KIF3A: variants seen among roughly 807,000 people sequenced by gnomAD.
KIF3A encodes the protein kinesin-like protein KIF3A.
Under a neutral mutation model 92.6 loss-of-function variants are expected in KIF3A, and 27 were observed. The ratio of observed to expected loss-of-function variants is 0.29; its 90% CI spans 0.21 to 0.40. KIF3A has a LOEUF of 0.40. KIF3A is among the 10% of genes least tolerant of loss of function. The probability of loss-of-function intolerance (pLI) is 1.00; values close to 1 mark genes in which losing one functional copy is unlikely to be tolerated. For missense variants in KIF3A, 581 were observed against 872.6 expected (o/e 0.67, Z 4.21); for synonymous variants, 250 against 275.4 (o/e 0.91, Z 0.92).
Position 132,734,408 on chromosome 5 carries a change from T to C in KIF3A, c.77A>G (p.Glu26Gly), listed in dbSNP as rs1299818166. 1 of 1,614,030 alleles carries C rather than the reference T, an allele frequency of 6.2e-7. No homozygotes were observed. The highest frequency in any genetic ancestry group is 1.3e-5 in the African/African-American group (1 of 74,938). ...TTTGTAGCACATTGATTTCTCTCTC[T>C]CATTGAGGGGCCGGCACCTAACAAC... ...KVVVRCRPLN[E>G]REKSMCYKQA... Residue 26 changes from glutamate to glycine, a missense_variant, in exon 2 of 19, where the codon GAG (glutamate) becomes GGG (glycine). By Grantham distance (98) the Glu-to-Gly change is moderately conservative. Coordinates refer to ENST00000403231, the MANE Select transcript of KIF3A (RefSeq NM_001300791.2).
At chr5:132,715,724 A>G (rs776123197) in intron 8 of KIF3A, 33 bp downstream of exon 8, 8 of 1,527,860 alleles carry the variant, frequency 5.2e-6, no homozygotes, top group Non-Finnish European at 7.2e-6. Context: ...ATTTTTAGCC[A>G]ACATAAAGAT....
At chr5:132,706,078 C>T (rs1002034065) in intron 11 of KIF3A, among the ~76,000 whole-genome samples, 2 of 151,906 alleles carry the variant, frequency 1.3e-5, no homozygotes, top group East Asian at 1.9e-4. Context: ...GAACGTTAAC[C>T]GGCCAGGGTA....
chr5:132,732,737 G>A (rs1453923197), intron 2 of KIF3A, among the ~76,000 whole-genome samples: 3 of 152,134 alleles, frequency 2.0e-5, no homozygotes, highest in Admixed American at 6.5e-5. Flanking sequence ...GTGAAACCCC[G>A]TCTCTACTAA....
At chr5:132,734,169 A>G in intron 2 of KIF3A, 36 bp downstream of exon 2, 2 of 1,522,550 alleles carry the variant, frequency 1.3e-6, no homozygotes, top group Non-Finnish European at 1.8e-6. Flanking sequence ...TTATGTCTCA[A>G]TAAGGGAGTT....
At chr5:132,702,284 G>A (rs1753064324) in intron 14 of KIF3A, 72 bp from the exon 15 acceptor site, 18 of 1,469,028 alleles carry the variant, frequency 1.2e-5, no homozygotes, top group African/African-American at 1.4e-5. Context: ...TCTCACATAG[G>A]ATGCTTGTCT....
chr5:132,699,261 G>A lies in KIF3A; in HGVS notation c.2042C>T (p.Ala681Val). 6.2e-7 allele frequency: 1 copy of A among 1,613,672 alleles called. No individual in the cohort carries two copies. The highest frequency in any genetic ancestry group is 1.1e-5 in the South Asian group (1 of 91,060). Residue 681 changes from alanine (A) to valine (V), a missense_variant, in exon 18 of 19, where the codon GCC becomes GTC. Transcript: ENST00000403231. ...FEVDLSHVYL[A>V]YTEESLRQSL... ...CTGACGCAGACTCTCCTCAGTATAG[G>A]CAAGATACACGTGAGAAAGGTCCAC...
chr5:132,702,734 C>T (rs527634276), intron 13 of KIF3A, 66 bp from the exon 14 acceptor site: 15 of 1,353,446 alleles, frequency 1.1e-5, no homozygotes, highest in African/African-American at 1.0e-4. Context: ...AATTCTTTAA[C>T]AAATGACATA....
intron 15 of KIF3A, among the ~76,000 whole-genome samples, chr5:132,701,502 CAAAA>C (rs5871462): frequency 9.9e-6 from 1 of 101,208 alleles, no homozygotes; most frequent in Admixed American, 1.1e-4. Context: ...GTCTCCCTGA[CAAAA>C]AAAAAAAAAA....
chr5:132,724,545 A>T lies in KIF3A; in HGVS notation c.510+1583T>A, dbSNP rs1229997754. On this transcript the variant is annotated intron_variant, in intron 4 of 18. Coordinates refer to ENST00000403231, the MANE Select transcript of KIF3A (RefSeq NM_001300791.2). ...ATTCTCAGCAAACTATCACAAGGAC[A>T]AAAAACCAAACACCACATGTTCTCA... is the stretch of plus-strand genomic sequence containing the variant. 4.6e-5 allele frequency among the ~76,000 whole-genome samples: 7 copies of T among 151,952 alleles called. No homozygotes were observed. The South Asian group carries it at 6.2e-4, about 14-fold the overall frequency.
In KIF3A at chr5:132,709,077, T is replaced by C; in HGVS notation, c.1229-99A>G. The C allele has an allele frequency of 6.4e-6, 6 of 930,398 alleles. No individual in the cohort carries two copies. The South Asian group carries it at 9.1e-5, about 14-fold the overall frequency. 57.6% of individuals were successfully genotyped at this position (930,398 alleles called of 1,614,324 possible). On this transcript the variant is annotated intron_variant, in intron 9 of 18. Transcript: ENST00000403231. ...AAAATTCAGTTTTCAGAGAAAAAAA[T>C]TTTAAAGGACAATCAAGCTTTGTAT...
Position 132,706,455 on chromosome 5 carries a change from T to C in KIF3A, c.1305A>G (p.Gln435=). ...GTGCAAATCAATCACACCAACCTGCTTGATCTTGCAATAAGAAGTAGTAAG... is the reference window on the plus strand; with the variant it reads ...GTGCAAATCAATCACACCAACCTGCCTGATCTTGCAATAAGAAGTAGTAAG... ...EKPLDKFLPN[Q]AGKKKVSPDK... is the part of the protein sequence containing the mutation. Residue 435 remains glutamine (Q), a synonymous_variant, in exon 11 of 19, where the codon CAA becomes CAG. Coordinates refer to ENST00000403231, the MANE Select transcript of KIF3A (RefSeq NM_001300791.2). The C allele has an allele frequency of 1.3e-6, 2 of 1,542,948 alleles. No homozygotes were observed. Among genetic ancestry groups the C allele is most frequent in the African/African-American group, 1.4e-5 (1 of 72,634 alleles).
chr5:132,737,484 G>T lies in KIF3A; in HGVS notation c.-65C>A, dbSNP rs1004506795. Reference sequence around the variant, plus strand: ...GGTGCAGCCCAGCGACACCGGGTGCGCAGAAAGGATGGCCAGAGACTACCG... The same window carrying T: ...GGTGCAGCCCAGCGACACCGGGTGCTCAGAAAGGATGGCCAGAGACTACCG... On this transcript the variant is annotated 5_prime_UTR_variant, in exon 1 of 19. Transcript: ENST00000403231. The T allele has an allele frequency of 6.3e-7, 1 of 1,580,140 alleles. No individual in the cohort carries two copies. Among genetic ancestry groups the T allele is most frequent in the Non-Finnish European group, 8.6e-7 (1 of 1,161,702 alleles).
intron 4 of KIF3A, among the ~76,000 whole-genome samples, chr5:132,724,806 A>AAAAAATTTT (rs59476182): frequency 8.8e-5 from 2 of 22,700 alleles, no homozygotes; most frequent in African/African-American, 3.6e-4. Flanking sequence ...AAAAAAAAAA[A>AAAAAATTTT]ATATATATAT....
Position 132,700,268 on chromosome 5 carries a change from G to T in KIF3A, c.1955C>A (p.Thr652Lys). 2 of 1,594,450 alleles carry T rather than the reference G, an allele frequency of 1.3e-6. No homozygotes were observed. Among genetic ancestry groups the T allele is most frequent in the Non-Finnish European group, 8.6e-7 (1 of 1,168,086 alleles). ...GGTTTGCTTCCTCATGTTATTTCCT[G>T]TATAAGCAACACATTTCTCAAAAAA... Reference protein sequence around the residue: ...GEWQLKCVAYTGNNMRKQTPV... With the variant: ...GEWQLKCVAYKGNNMRKQTPV... The change falls in exon 17 of 19, where the codon ACA becomes AAA. Residue 652 changes from threonine to lysine, a missense_variant. Physicochemically the swap from Thr to Lys is moderately conservative, Grantham distance 78 (BLOSUM62 -1). Coordinates refer to ENST00000403231, the MANE Select transcript of KIF3A (RefSeq NM_001300791.2).
intron 8 of KIF3A, among the ~76,000 whole-genome samples, chr5:132,715,149 G>A (rs1410695546): frequency 6.6e-6 from 1 of 152,106 alleles, no homozygotes; most frequent in Non-Finnish European, 1.5e-5. Context: ...TCTGTTTCTC[G>A]CATTAAGGTG....
intron 4 of KIF3A, among the ~76,000 whole-genome samples, chr5:132,725,299 T>G (rs757558498): frequency 2.6e-4 from 40 of 152,182 alleles, no homozygotes; most frequent in South Asian, 1.7e-3. Flanking sequence ...CTTAACACTG[T>G]AATACACTGC....
At position 132,720,701 on chromosome 5, in the gene KIF3A, G is replaced by C. The variant is rs752061346; in HGVS notation, c.524C>G (p.Pro175Arg). ...ATCTTTGATATAAACTCCCACATCA[G>C]GTCTTTCTTTAACCTAAAAAAAAAT... Reference protein sequence around the residue: ...QTQRLEVKERPDVGVYIKDLS... With the variant: ...QTQRLEVKERRDVGVYIKDLS... Residue 175 changes from proline (P) to arginine (R), a missense_variant, in exon 5 of 19, where the codon CCT becomes CGT. Pro to Arg is a moderately radical substitution (Grantham distance 103). Transcript: ENST00000403231. 6.3e-7 allele frequency: 1 copy of C among 1,599,344 alleles called. No individual in the cohort carries two copies. The highest frequency in any genetic ancestry group is 1.7e-5 in the Admixed American group (1 of 58,846).
intron 4 of KIF3A, among the ~76,000 whole-genome samples, chr5:132,724,925 A>G (rs1336439499): frequency 2.1e-5 from 3 of 145,332 alleles, no homozygotes; most frequent in South Asian, 4.3e-4. Context: ...CATAACAGGA[A>G]TCCCCTAAAT....
rs540423175 is a variant in KIF3A, at chr5:132,732,055, A to C, written c.280+2150T>G. ...ATCCTACAAAATTTACAAAAAACCCAAAACATAAAAAAACTACTAGAATTA... is the reference window on the plus strand; with the variant it reads ...ATCCTACAAAATTTACAAAAAACCCCAAACATAAAAAAACTACTAGAATTA... On this transcript the variant is annotated intron_variant, in intron 2 of 18. Coordinates refer to ENST00000403231, the MANE Select transcript of KIF3A (RefSeq NM_001300791.2). 7.9e-5 allele frequency among the ~76,000 whole-genome samples: 12 copies of C among 152,318 alleles called. No individual in the cohort carries two copies. The East Asian group carries it at 2.1e-3, about 27-fold the overall frequency.
Sources: allele counts gnomAD v4.1 joint callset (sites outside exome capture counted in the v4.1 genomes callset), GRCh38; gene constraint gnomAD v4.1.1; transcripts MANE v1.5; gene names NCBI Gene and HGNC (gene_info 2026-07-23, HGNC 2026-07-21).